The following GHRHR variants were observed in gnomAD, a reference collection of about 807,000 sequenced individuals.
The protein encoded by GHRHR is growth hormone-releasing hormone receptor.
Under a neutral mutation model 58.3 loss-of-function variants are expected in GHRHR, and 40 were observed. The observed-to-expected ratio is 0.69, with a 90% CI of 0.53 to 0.89. The LOEUF (loss-of-function observed/expected upper bound fraction) is 0.89, where lower values mean the gene tolerates loss of function less well. GHRHR is among the 40% of genes least tolerant of loss of function. GHRHR has a pLI of 0.00. For synonymous variants in GHRHR, 249 were observed against 216.6 expected (o/e 1.15, Z -1.31); for missense variants, 551 against 541.3 (o/e 1.02, Z -0.18).
chr7:30,965,827 A>G (rs901923019), intron 1 of GHRHR, among the ~76,000 whole-genome samples: 3 of 152,188 alleles, frequency 2.0e-5, no homozygotes. Context: ...AAAGTCCCAT[A>G]CAGGCCCATC....
chr7:30,969,567 G>T (rs1792437937), intron 3 of GHRHR: 2 of 603,046 alleles, frequency 3.3e-6, no homozygotes, highest in Admixed American at 2.9e-5. Flanking sequence ...GACAGTGAGG[G>T]CCTCTTTTCT....
chr7:30,972,725 C>A (rs913733399), intron 6 of GHRHR, among the ~76,000 whole-genome samples: 1 of 152,112 alleles, frequency 6.6e-6, no homozygotes, highest in Non-Finnish European at 1.5e-5. Flanking sequence ...CAATAAGAGG[C>A]AATTGAAATT....
Position 30,974,060 on chromosome 7 carries a change from G to T in GHRHR, c.673G>T (p.Val225Phe). The change falls in exon 7 of 13, where the codon GTC becomes TTC. Residue 225 changes from valine (V) to phenylalanine (F), a missense_variant. Val to Phe is a conservative substitution (Grantham distance 50, BLOSUM62 -1). Transcript: ENST00000326139. ...CTTCAGCTGGCTGTTGGCAGAAGCC[G>T]TCTACCTGAACTGCCTCCTGGCCTC... ...TNFSWLLAEA[V>F]YLNCLLASTS... 1.2e-6 allele frequency: 2 copies of T among 1,614,008 alleles called. No individual in the cohort carries two copies. Among genetic ancestry groups the T allele is most frequent in the South Asian group, 2.2e-5 (2 of 91,074 alleles).
intron 1 of GHRHR, among the ~76,000 whole-genome samples, chr7:30,966,468 C>T (rs1251096066): frequency 5.3e-5 from 8 of 152,032 alleles, no homozygotes; most frequent in Non-Finnish European, 1.2e-4. Flanking sequence ...ACACCTTTTC[C>T]CACTTCCCTT....
intron 4 of GHRHR, among the ~76,000 whole-genome samples, chr7:30,970,237 C>G (rs1027782838): frequency 6.6e-6 from 1 of 152,162 alleles, no homozygotes; most frequent in Non-Finnish European, 1.5e-5. Flanking sequence ...GTCCAGGCCT[C>G]CAGGGCAGGG....
At chr7:30,966,750 C>A (rs892589242) in intron 1 of GHRHR, among the ~76,000 whole-genome samples, 6 of 152,104 alleles carry the variant, frequency 3.9e-5, no homozygotes, top group African/African-American at 1.4e-4. Context: ...TCAAGTGATT[C>A]TCCTGCCTCA....
intron 4 of GHRHR, 135 bp downstream of exon 4, chr7:30,970,099 T>C: frequency 1.4e-6 from 1 of 726,792 alleles, no homozygotes; most frequent in Admixed American, 1.9e-5. Context: ...CAGAGAGCAG[T>C]GAAGTGTCTG....
Position 30,974,572 on chromosome 7 carries a change from A to G in GHRHR, c.812+83A>G. The G allele has an allele frequency of 3.0e-6, 3 of 1,004,552 alleles. No homozygotes were observed. The Admixed American group carries it at 5.1e-5, about 17-fold the overall frequency. 62.2% of individuals were successfully genotyped at this position (1,004,552 alleles called of 1,614,324 possible). On this transcript the variant is annotated intron_variant, in intron 8 of 12. Coordinates refer to ENST00000326139, the MANE Select transcript of GHRHR (RefSeq NM_000823.4). ...ACAGTCAGGCCATGGGCTGTTCTCCAGGCTGGGAAGAGGAGGAGAAGGGAC... is the reference window on the plus strand; with the variant it reads ...ACAGTCAGGCCATGGGCTGTTCTCCGGGCTGGGAAGAGGAGGAGAAGGGAC...
At chr7:30,971,027 A>C in intron 4 of GHRHR, 92 bp from the exon 5 acceptor site, 1 of 719,042 alleles carries the variant, frequency 1.4e-6, no homozygotes, top group Non-Finnish European at 2.6e-6. Flanking sequence ...GTTGGGGTGG[A>C]ATGGCAAAGG....
chr7:30,979,276 T>C lies in GHRHR; in HGVS notation c.*32T>C. ...TCATCACGCCACTGGAGTCCACACT[T>C]GAATTTGGGCAGCTACCACGGGTCT... On this transcript the variant is annotated 3_prime_UTR_variant, in exon 13 of 13. Coordinates refer to ENST00000326139, the MANE Select transcript of GHRHR (RefSeq NM_000823.4). 1 of 1,609,824 alleles carries C rather than the reference T, an allele frequency of 6.2e-7. No individual in the cohort carries two copies. Among genetic ancestry groups the C allele is most frequent in the Non-Finnish European group, 8.5e-7 (1 of 1,177,976 alleles).
chr7:30,974,593 G>A, intron 8 of GHRHR, 104 bp downstream of exon 8: 1 of 851,740 alleles, frequency 1.2e-6, no homozygotes, highest in Non-Finnish European at 2.1e-6. Context: ...AGGAGGAGAA[G>A]GGACTGCCCG....
Position 30,969,089 on chromosome 7 carries a change from C to T in GHRHR, c.187C>T (p.Leu63=). Reference sequence around the variant, plus strand: ...CTGCCCTGCGACCTGGGATGGGCTGCTGTGCTGGCCAACGGCAGGCTCTGG... The same window carrying T: ...CTGCCCTGCGACCTGGGATGGGCTGTTGTGCTGGCCAACGGCAGGCTCTGG... ...LGCPATWDGL[L]CWPTAGSGEW... The change falls in exon 3 of 13, where the codon CTG becomes TTG. Residue 63 remains leucine (L), a synonymous_variant. Transcript: ENST00000326139. 1.3e-6 allele frequency: 2 copies of T among 1,581,498 alleles called. No individual in the cohort carries two copies. The highest frequency in any genetic ancestry group is 1.7e-6 in the Non-Finnish European group (2 of 1,163,376).
At chr7:30,965,103 G>C (rs910674926) in intron 1 of GHRHR, among the ~76,000 whole-genome samples, 9 of 150,864 alleles carry the variant, frequency 6.0e-5, no homozygotes, top group African/African-American at 2.2e-4. Flanking sequence ...CCGCTGGCCC[G>C]GGTCACTGTG....
At chr7:30,970,075 C>T in intron 4 of GHRHR, 111 bp downstream of exon 4, 5 of 759,760 alleles carry the variant, frequency 6.6e-6, no homozygotes, top group Admixed American at 3.6e-5. Context: ...ATACTACTTA[C>T]AGCAGTTTTC....
chr7:30,974,334 C>A, intron 7 of GHRHR, 95 bp from the exon 8 acceptor site: 1 of 1,117,438 alleles, frequency 8.9e-7, no homozygotes, highest in Non-Finnish European at 1.4e-6. Flanking sequence ...CTTTGCAGTG[C>A]CCTACGTGGC....
At chr7:30,966,670 T>C (rs1050873401) in intron 1 of GHRHR, among the ~76,000 whole-genome samples, 2 of 151,220 alleles carry the variant, frequency 1.3e-5, no homozygotes, top group Non-Finnish European at 2.9e-5. Flanking sequence ...TGAGATGGAG[T>C]CTCACTTTAT....
At position 30,975,797 on chromosome 7, in the gene GHRHR, C is replaced by T; in HGVS notation, c.903C>T (p.Leu301=). ...TCCAGGTGAACTTTGGGCTTTTTCT[C>T]AATATTATCCGCATCCTGGTGAGGA... ...LSVGVNFGLF[L]NIIRILVRKL... The change falls in exon 10 of 13, where the codon CTC becomes CTT. Residue 301 remains leucine (L), a synonymous_variant. Transcript: ENST00000326139. 6.2e-7 allele frequency: 1 copy of T among 1,610,840 alleles called. No homozygotes were observed. Among genetic ancestry groups the T allele is most frequent in the Non-Finnish European group, 8.5e-7 (1 of 1,177,038 alleles).
At chr7:30,970,012 T>C in intron 4 of GHRHR, 48 bp downstream of exon 4, 1 of 829,090 alleles carries the variant, frequency 1.2e-6, no homozygotes, top group Non-Finnish European at 2.2e-6. Context: ...TGGACATTTG[T>C]ATGGGTGGGT....
chr7:30,966,403 G>C (rs544180984), intron 1 of GHRHR, among the ~76,000 whole-genome samples: 1 of 152,060 alleles, frequency 6.6e-6, no homozygotes, highest in East Asian at 1.9e-4. Flanking sequence ...TGTGTGGGGT[G>C]GGGGTGGGGG....
Sources: gnomAD v4.1 joint callset for allele counts (sites outside exome capture counted in the v4.1 genomes callset) on GRCh38, gnomAD v4.1.1 for gene constraint, MANE v1.5 for transcripts, NCBI Gene and HGNC (gene_info 2026-07-23, HGNC 2026-07-21) for gene names.